Variants in KANK1 observed in about 807,000 individuals in gnomAD.
KANK1 encodes the protein KN motif and ankyrin repeat domains 1.
Under a neutral mutation model 106.2 loss-of-function variants are expected in KANK1, and 109 were observed. That is an observed-to-expected ratio of 1.03 (90% CI 0.88 to 1.20). KANK1 has a LOEUF of 1.20. Among genes scored for constraint, KANK1 ranks in the 50% most tolerant of loss-of-function variants. KANK1 has a pLI of 0.00. For synonymous variants in KANK1, 873 were observed against 652.2 expected, an observed-to-expected ratio of 1.34 and a Z score of -5.16; for missense variants, 2,399 against 1,710.7, an observed-to-expected ratio of 1.40 and a Z score of -7.10.
At chr9:564,889 C>G (rs929178464) in intron 1 of KANK1, among the ~76,000 whole-genome samples, 1 of 152,242 alleles carries the variant, frequency 6.6e-6, no homozygotes, top group Non-Finnish European at 1.5e-5. Context: ...GAAGCCCACT[C>G]TGGTCCACAC....
chr9:541,071 C>G (rs930168884), intron 1 of KANK1, among the ~76,000 whole-genome samples: 1 of 151,896 alleles, frequency 6.6e-6, no homozygotes, highest in Non-Finnish European at 1.5e-5. Flanking sequence ...CTGTAAACTT[C>G]CTTGTAGTGC....
chr9:499,770 C>G (rs551812375), upstream of KANK1, among the ~76,000 whole-genome samples: 9 of 152,206 alleles, frequency 5.9e-5, no homozygotes, highest in South Asian at 1.9e-3. Flanking sequence ...GAAATGCATA[C>G]GAATTTGTTT....
intron 3 of KANK1, among the ~76,000 whole-genome samples, chr9:719,248 T>G (rs1414771485): frequency 6.6e-6 from 1 of 152,202 alleles, no homozygotes; most frequent in Non-Finnish European, 1.5e-5. Flanking sequence ...ATTACAGGCG[T>G]GAGCCAGCGC....
At chr9:637,892 G>C (rs1053942476) in intron 1 of KANK1, among the ~76,000 whole-genome samples, 7 of 152,134 alleles carry the variant, frequency 4.6e-5, no homozygotes, top group African/African-American at 1.7e-4. Context: ...CAGCTTTTGG[G>C]GTTGGTTGAT....
chr9:623,658 A>C (rs1833705595), intron 1 of KANK1, among the ~76,000 whole-genome samples: 1 of 152,142 alleles, frequency 6.6e-6, no homozygotes, highest in Non-Finnish European at 1.5e-5. Flanking sequence ...GACATCACTA[A>C]TCATTAGAGA....
intron 7 of KANK1, 94 bp from the exon 8 acceptor site, chr9:738,191 C>A: frequency 2.9e-6 from 3 of 1,023,610 alleles, no homozygotes; most frequent in Non-Finnish European, 4.3e-6. Context: ...CATATATATA[C>A]TTTGACTATA....
At chr9:738,793 G>A (rs1404403990) in intron 8 of KANK1, among the ~76,000 whole-genome samples, 1 of 152,216 alleles carries the variant, frequency 6.6e-6, no homozygotes, top group East Asian at 1.9e-4. Context: ...CTGGTAAGAA[G>A]CATGTCTCAC....
chr9:653,011 C>CT (rs1303023440), intron 1 of KANK1, among the ~76,000 whole-genome samples: 5 of 152,212 alleles, frequency 3.3e-5, no homozygotes, highest in Admixed American at 3.3e-4. Flanking sequence ...GAGAAGCTTT[C>CT]TGCGCACAGC....
At chr9:741,027 C>G in intron 9 of KANK1, 93 bp downstream of exon 9, 1 of 1,414,828 alleles carries the variant, frequency 7.1e-7, no homozygotes, top group Non-Finnish European at 9.6e-7. Context: ...ATAGATGCCA[C>G]GCTTCCACCA....
chr9:713,755 A>T (rs1424217614), intron 3 of KANK1, among the ~76,000 whole-genome samples: 1 of 152,144 alleles, frequency 6.6e-6, no homozygotes, highest in Non-Finnish European at 1.5e-5. Context: ...GTTTGGTAAG[A>T]TGCTTTATTC....
At chr9:694,353 C>A (rs1169147866) in intron 2 of KANK1, among the ~76,000 whole-genome samples, 2 of 152,200 alleles carry the variant, frequency 1.3e-5, no homozygotes, top group African/African-American at 4.8e-5. Context: ...CTTTTTTACG[C>A]TTAGAACAGC....
intron 2 of KANK1, among the ~76,000 whole-genome samples, chr9:708,283 G>C (rs1328472493): frequency 6.6e-6 from 1 of 152,140 alleles, no homozygotes; most frequent in African/African-American, 2.4e-5. Flanking sequence ...GACAGTACTG[G>C]AGACAGGTCT....
intron 1 of KANK1, among the ~76,000 whole-genome samples, chr9:652,558 C>A (rs1363709983): frequency 1.3e-5 from 2 of 151,976 alleles, no homozygotes; most frequent in Non-Finnish European, 1.5e-5. Flanking sequence ...TGTGAAGAAA[C>A]AATCTAAATA....
intron 1 of KANK1, among the ~76,000 whole-genome samples, chr9:654,628 C>G (rs896040982): frequency 6.6e-6 from 1 of 152,112 alleles, no homozygotes; most frequent in Non-Finnish European, 1.5e-5. Flanking sequence ...CCATGAGCAC[C>G]TAGCAGCATC....
At chr9:672,635 A>G (rs1170409979) in intron 1 of KANK1, among the ~76,000 whole-genome samples, 1 of 152,154 alleles carries the variant, frequency 6.6e-6, no homozygotes, top group Non-Finnish European at 1.5e-5. Context: ...TCAAATCTCA[A>G]TTTTATCTAA....
intron 1 of KANK1, among the ~76,000 whole-genome samples, chr9:670,475 T>G (rs1179295236): frequency 1.3e-5 from 2 of 152,190 alleles, no homozygotes; most frequent in African/African-American, 2.4e-5. Flanking sequence ...TTTGCCTCTG[T>G]TCTTCTAGCA....
In KANK1 at chr9:624,436, C is replaced by T. The variant is rs147979712; in HGVS notation, c.-83-52454C>T. 3.2e-3 allele frequency among the ~76,000 whole-genome samples: 489 copies of T among 152,122 alleles called. 2 individuals are homozygous for T. Among genetic ancestry groups the T allele is most frequent in the Non-Finnish European group, 5.5e-3 (372 of 68,008 alleles). On this transcript the variant is annotated intron_variant, in intron 1 of 11. Coordinates refer to ENST00000382297, the MANE Select transcript of KANK1 (RefSeq NM_015158.5). Reference sequence around the variant, plus strand: ...ATAATCACATTGTATACTTTGAATACGTATAATTTCTATTAATTATTCCTC... The same window carrying T: ...ATAATCACATTGTATACTTTGAATATGTATAATTTCTATTAATTATTCCTC...
At chr9:580,772 A>G (rs939430264) in intron 1 of KANK1, among the ~76,000 whole-genome samples, 2 of 152,122 alleles carry the variant, frequency 1.3e-5, no homozygotes, top group Admixed American at 6.5e-5. Context: ...GTGCGCCCGC[A>G]CTCCTGAGCC....
At chr9:471,296 G>A (rs987326347) in intron 2 of KANK1, among the ~76,000 whole-genome samples, 1 of 152,140 alleles carries the variant, frequency 6.6e-6, no homozygotes, top group Non-Finnish European at 1.5e-5. Flanking sequence ...ACTATGTACT[G>A]GAGAAAAGAG....
Sources: allele counts gnomAD v4.1 joint callset (sites outside exome capture counted in the v4.1 genomes callset), GRCh38; gene constraint gnomAD v4.1.1; transcripts MANE v1.5; gene names NCBI Gene and HGNC (gene_info 2026-07-23, HGNC 2026-07-21).